Variants in FTCDNL1 observed in about 807,000 individuals in gnomAD.
FTCDNL1 encodes formiminotransferase cyclodeaminase N-terminal like, also known as formiminotransferase N-terminal subdomain-containing protein.
A neutral mutation model predicts 5.9 loss-of-function variants in FTCDNL1; 11 were observed. The ratio of observed to expected loss-of-function variants is 1.87; its 90% CI spans 1.18 to 3.10. The LOEUF is 3.10. FTCDNL1 is among the 30% of genes most tolerant of loss of function. The pLI, the probability that FTCDNL1 is intolerant of heterozygous loss-of-function variation, is 0.00. For synonymous variants in FTCDNL1, 58 were observed against 24.8 expected, an observed-to-expected ratio of 2.34 and a Z score of -3.99; for missense variants, 115 against 65.5, an observed-to-expected ratio of 1.76 and a Z score of -2.61.
the FTCDNL1 span, among the ~76,000 whole-genome samples, chr2:199,678,743 T>C: frequency 6.6e-6 from 1 of 152,072 alleles, no homozygotes; most frequent in Non-Finnish European, 1.5e-5. Context: ...CAGTTGGCAT[T>C]TTATTGTAGT....
At chr2:199,752,799 C>T in the FTCDNL1 span, among the ~76,000 whole-genome samples, 277 of 129,976 alleles carry the variant, frequency 2.1e-3, 1 homozygote, top group African/African-American at 7.2e-3. Flanking sequence ...TGTGTGTATT[C>T]GGGTCTTCAA....
chr2:199,804,448 A>T (rs1700620778), downstream of FTCDNL1, among the ~76,000 whole-genome samples: 1 of 152,250 alleles, frequency 6.6e-6, no homozygotes. Flanking sequence ...TAATTACATT[A>T]GTTTACATTT....
intron 3 of FTCDNL1, among the ~76,000 whole-genome samples, chr2:199,804,264 G>C (rs140319324): frequency 3.3e-5 from 5 of 152,124 alleles, no homozygotes; most frequent in Admixed American, 1.3e-4. Context: ...GGCTTCAGAC[G>C]GGGCTTCCTG....
intron 3 of FTCDNL1, among the ~76,000 whole-genome samples, chr2:199,841,658 TA>T (rs1006044868): frequency 2.0e-5 from 3 of 151,676 alleles, no homozygotes; most frequent in African/African-American, 2.4e-5. Flanking sequence ...TGACAGCATG[TA>T]AAAAAAATGT....
At chr2:199,781,651 A>C (rs1318671940) in intron 3 of FTCDNL1, among the ~76,000 whole-genome samples, 3 of 152,124 alleles carry the variant, frequency 2.0e-5, no homozygotes, top group Non-Finnish European at 4.4e-5. Flanking sequence ...TCTCTTGTTC[A>C]CTCCAGAGCA....
chr2:199,841,062 G>A (rs1367422420), intron 3 of FTCDNL1, among the ~76,000 whole-genome samples: 1 of 151,978 alleles, frequency 6.6e-6, no homozygotes, highest in African/African-American at 2.4e-5. Flanking sequence ...GAGGTGGGAA[G>A]ATTGTTTGAA....
the FTCDNL1 span, among the ~76,000 whole-genome samples, chr2:199,677,819 CT>C: frequency 4.6e-5 from 7 of 152,216 alleles, no homozygotes; most frequent in African/African-American, 1.7e-4. Flanking sequence ...CGTTTCAACT[CT>C]GTTTATATCA....
chr2:199,833,627 A>C (rs1263485233), intron 3 of FTCDNL1, among the ~76,000 whole-genome samples: 1 of 152,232 alleles, frequency 6.6e-6, no homozygotes, highest in Non-Finnish European at 1.5e-5. Flanking sequence ...ACAAAGAGTT[A>C]ACTTGGCTCT....
the FTCDNL1 span, among the ~76,000 whole-genome samples, chr2:199,717,508 G>GTTTT: frequency 3.6e-5 from 3 of 83,806 alleles, no homozygotes; most frequent in African/African-American, 1.1e-4. Flanking sequence ...ACAAGGCAGA[G>GTTTT]ATTTTTTTTT....
At chr2:199,820,958 G>A (rs1169780901) in intron 3 of FTCDNL1, among the ~76,000 whole-genome samples, 5 of 152,174 alleles carry the variant, frequency 3.3e-5, no homozygotes, top group Non-Finnish European at 5.9e-5. Flanking sequence ...CAAAATCAGA[G>A]CTGAGATGAG....
intron 3 of FTCDNL1, among the ~76,000 whole-genome samples, chr2:199,825,506 G>C (rs982811327): frequency 6.6e-6 from 1 of 152,228 alleles, no homozygotes; most frequent in African/African-American, 2.4e-5. Context: ...CAGTGTTGGA[G>C]GTGGGGCCTA....
rs374494767 is a variant in FTCDNL1 at position 199,809,366 on chromosome 2, C to T, written c.*3339G>A. On this transcript the variant is annotated 3_prime_UTR_variant, in exon 5 of 5. Transcript: ENST00000420128. ...TTGGCCTCCCAAAGTGCTGGGATTA[C>T]AGGAATGAGCCACCACACCCAGCCA... Among the ~76,000 whole-genome samples the T allele has an allele frequency of 6.6e-6, 1 of 151,474 alleles. No homozygotes were observed. Among genetic ancestry groups the T allele is most frequent in the Non-Finnish European group, 1.5e-5 (1 of 67,908 alleles).
chr2:199,703,315 C>T, the FTCDNL1 span, among the ~76,000 whole-genome samples: 1 of 151,886 alleles, frequency 6.6e-6, no homozygotes, highest in Non-Finnish European at 1.5e-5. Context: ...TAGGCACCAG[C>T]TCATGTGGCT....
chr2:199,801,344 C>A (rs777253897), intron 3 of FTCDNL1, among the ~76,000 whole-genome samples: 4 of 152,144 alleles, frequency 2.6e-5, no homozygotes, highest in African/African-American at 7.2e-5. Context: ...GGGCCCAGTG[C>A]AAAATGAAAA....
the FTCDNL1 span, among the ~76,000 whole-genome samples, chr2:199,723,587 A>G: frequency 6.6e-6 from 1 of 152,018 alleles, no homozygotes; most frequent in Non-Finnish European, 1.5e-5. Flanking sequence ...AGAGTTTTTA[A>G]CATGAGGGGA....
intron 3 of FTCDNL1, among the ~76,000 whole-genome samples, chr2:199,764,062 G>A (rs980148327): frequency 1.2e-4 from 19 of 152,032 alleles, no homozygotes; most frequent in East Asian, 1.9e-4. Flanking sequence ...GGCTGGTCTC[G>A]AACTCCTGAC....
the FTCDNL1 span, among the ~76,000 whole-genome samples, chr2:199,752,738 CTCTGTG>C: frequency 4.0e-5 from 1 of 25,212 alleles, no homozygotes; most frequent in African/African-American, 5.5e-5. Context: ...ATCTCTCTCT[CTCTGTG>C]TGTGTGTGTG....
chr2:199,820,986 G>T (rs1445757582), intron 3 of FTCDNL1, among the ~76,000 whole-genome samples: 1 of 152,114 alleles, frequency 6.6e-6, no homozygotes, highest in African/African-American at 2.4e-5. Flanking sequence ...GCCACAATAA[G>T]CATAGGAGAC....
chr2:199,742,767 C>T, the FTCDNL1 span, among the ~76,000 whole-genome samples: 3 of 152,112 alleles, frequency 2.0e-5, no homozygotes, highest in African/African-American at 4.8e-5. Flanking sequence ...AAGAGTCTCT[C>T]GGTTTCTAGT....
Sources: allele counts gnomAD v4.1 joint callset (sites outside exome capture counted in the v4.1 genomes callset), GRCh38; gene constraint gnomAD v4.1.1; transcripts MANE v1.5; gene names NCBI Gene and HGNC (gene_info 2026-07-23, HGNC 2026-07-21).